The following TGS1 variants were observed in gnomAD, a reference collection of about 807,000 sequenced individuals.
The protein encoded by TGS1 is trimethylguanosine synthase.
A neutral mutation model predicts 92.2 loss-of-function variants in TGS1; 69 were observed. The ratio of observed to expected loss-of-function variants is 0.75; its 90% confidence interval spans 0.62 to 0.91. TGS1 has a LOEUF of 0.91. TGS1 is among the 40% of genes least tolerant of loss of function. The pLI is 0.00. For missense variants in TGS1, 1,062 were observed against 1,001.2 expected (o/e 1.06, Z -0.82); for synonymous variants, 345 against 338.1 (o/e 1.02, Z -0.22).
intron 5 of TGS1, among the ~76,000 whole-genome samples, chr8:55,790,951 A>T (rs1811864455): frequency 7.2e-6 from 1 of 139,414 alleles, no homozygotes; most frequent in Admixed American, 7.5e-5. Context: ...TTTAACTAAT[A>T]ATTAAATTCA....
In TGS1 at chr8:55,811,026, C is replaced by T. The variant is rs1426117006; in HGVS notation, c.2289C>T (p.Ser763=). 6 of 1,614,048 alleles carry T rather than the reference C, an allele frequency of 3.7e-6. No individual in the cohort carries two copies. The highest frequency in any genetic ancestry group is 4.5e-5 in the East Asian group (2 of 44,894). ...TAAAGGCTGATGTTGTGTTCCTCAG[C>T]CCACCTTGGGGAGGGCCAGACTATG... ...SFLKADVVFL[S]PPWGGPDYAT... is the part of the protein sequence containing the mutation. Residue 763 remains serine, a synonymous_variant, in exon 11 of 13, where the codon AGC becomes AGT. Coordinates refer to ENST00000260129, the MANE Select transcript of TGS1 (RefSeq NM_024831.8).
intron 1 of TGS1, among the ~76,000 whole-genome samples, chr8:55,780,170 T>C (rs1461215921): frequency 6.8e-6 from 1 of 146,650 alleles, no homozygotes; most frequent in African/African-American, 2.6e-5. Flanking sequence ...CTTTTTTTTT[T>C]TTTTTCTTTT....
chr8:55,807,974 C>T (rs925445449), intron 10 of TGS1, among the ~76,000 whole-genome samples: 2 of 152,126 alleles, frequency 1.3e-5, no homozygotes, highest in Admixed American at 6.6e-5. Flanking sequence ...AGTAGGAAAG[C>T]GTAATATGAT....
At chr8:55,811,167 G>T (rs1346962257) in intron 11 of TGS1, 70 bp downstream of exon 11, 2 of 837,892 alleles carry the variant, frequency 2.4e-6, no homozygotes, top group African/African-American at 1.7e-5. Flanking sequence ...GAGAGTGAGA[G>T]AGGGAGTGTG....
chr8:55,800,648 G>A (rs1288434961), intron 8 of TGS1, among the ~76,000 whole-genome samples: 1 of 152,084 alleles, frequency 6.6e-6, no homozygotes, highest in Non-Finnish European at 1.5e-5. Flanking sequence ...TGTACAGGAT[G>A]GTCTTGCACA....
At chr8:55,803,298 T>C (rs962077242) in intron 9 of TGS1, among the ~76,000 whole-genome samples, 8 of 152,226 alleles carry the variant, frequency 5.3e-5, no homozygotes, top group African/African-American at 1.9e-4. Flanking sequence ...ACTTCGCAAA[T>C]TTTGAATTCT....
chr8:55,805,363 G>T (rs1812336499), intron 10 of TGS1, among the ~76,000 whole-genome samples: 1 of 152,068 alleles, frequency 6.6e-6, no homozygotes, highest in African/African-American at 2.4e-5. Flanking sequence ...TTGTAACCTA[G>T]ATACATCGAA....
Position 55,786,514 on chromosome 8 carries a change from G to GGA in TGS1, c.618_619dup (p.Gly207GlufsTer83). On this transcript the variant is annotated frameshift_variant, in exon 4 of 13. Coordinates refer to ENST00000260129, the MANE Select transcript of TGS1 (RefSeq NM_024831.8). LOFTEE classifies it high-confidence loss of function. Reference sequence around the variant, plus strand: ...ATGGGAAAAGTATTGGAATGAATATGGAGGAGGACTATTGTGGCAAAGTTG... The same window carrying GGA: ...ATGGGAAAAGTATTGGAATGAATATGGAGAGGAGGACTATTGTGGCAAAGTTG... The GGA allele has an allele frequency of 6.2e-7, 1 of 1,614,178 alleles. No homozygotes were observed. The highest frequency in any genetic ancestry group is 1.1e-5 in the South Asian group (1 of 91,080).
chr8:55,795,052 A>G (rs1470345564), intron 6 of TGS1, among the ~76,000 whole-genome samples: 1 of 152,238 alleles, frequency 6.6e-6, no homozygotes, highest in East Asian at 1.9e-4. Context: ...TAGTTAATAT[A>G]ATCAATAGTT....
intron 2 of TGS1, among the ~76,000 whole-genome samples, chr8:55,785,120 A>G (rs1242489040): frequency 6.7e-6 from 1 of 149,252 alleles, no homozygotes; most frequent in Non-Finnish European, 1.5e-5. Context: ...GCTGGGGTGC[A>G]GTGGCACAAT....
At chr8:55,798,032 T>A (rs967984189) in intron 7 of TGS1, among the ~76,000 whole-genome samples, 5 of 152,234 alleles carry the variant, frequency 3.3e-5, no homozygotes, top group Non-Finnish European at 7.3e-5. Flanking sequence ...GTCAGTGCCA[T>A]AGGACTTTCC....
chr8:55,814,604 G>A (rs932638477), intron 12 of TGS1, among the ~76,000 whole-genome samples: 6 of 148,162 alleles, frequency 4.0e-5, no homozygotes, highest in African/African-American at 1.2e-4. Flanking sequence ...CAGGCAGATC[G>A]CTTGAGGCCA....
At position 55,813,080 on chromosome 8, in the gene TGS1, ATTG is replaced by A. The variant is rs1291070121; in HGVS notation, c.2404_2406del (p.Val802del). The A allele has an allele frequency of 1.2e-6, 2 of 1,610,992 alleles. No homozygotes were observed. Among genetic ancestry groups the A allele is most frequent in the Non-Finnish European group, 1.7e-6 (2 of 1,178,096 alleles). ...ACTTTCTAAGAAGATCACTAATAAT[ATTG>A]TTTATTTTCTTCCAAGAAATGCTGA... On this transcript the variant is annotated inframe_deletion, in exon 12 of 13. Transcript: ENST00000260129.
chr8:55,788,707 T>C (rs1811789031), intron 4 of TGS1, among the ~76,000 whole-genome samples: 1 of 152,094 alleles, frequency 6.6e-6, no homozygotes, highest in African/African-American at 2.4e-5. Flanking sequence ...CAAGTGATCC[T>C]CCCGCCTCAG....
chr8:55,800,051 T>C (rs889513584), intron 8 of TGS1, among the ~76,000 whole-genome samples: 1 of 152,252 alleles, frequency 6.6e-6, no homozygotes, highest in Non-Finnish European at 1.5e-5. Flanking sequence ...AAAGTTCTTA[T>C]ATAGTTTAAT....
In TGS1 at chr8:55,814,674, A is replaced by ATATAT. The variant is rs1554564802; in HGVS notation, c.2439+1556_2439+1557insTATAT. 9.7e-3 allele frequency among the ~76,000 whole-genome samples: 1,195 copies of ATATAT among 123,192 alleles called. 9 individuals are homozygous for ATATAT. Among genetic ancestry groups the ATATAT allele is most frequent in the African/African-American group, 0.019 (525 of 27,992 alleles). The allele number at this position is 123,192 out of a possible 152,430, so 80.8% of individuals were successfully genotyped here. A position where few individuals can be genotyped will look rare whatever the true frequency, so the allele number is the denominator to read the frequency against. On this transcript the variant is annotated intron_variant, in intron 12 of 12. Transcript: ENST00000260129. Reference sequence around the variant, plus strand: ...CGTCTCTACTTAAAAAAAAAAAAAAAATATATATATATATATATATATATG... The same window carrying ATATAT: ...CGTCTCTACTTAAAAAAAAAAAAAAATATATATATATATATATATATATATATATG...
At chr8:55,796,264 C>A in intron 7 of TGS1, 112 bp downstream of exon 7, 21 of 773,428 alleles carry the variant, frequency 2.7e-5, no homozygotes, top group Non-Finnish European at 3.8e-5. Context: ...TATCAAGGTA[C>A]ATAATTTTTT....
At chr8:55,784,036 C>T (rs16922237) in intron 2 of TGS1, among the ~76,000 whole-genome samples, 33,805 of 152,024 alleles carry the variant, frequency 0.22, 4,455 homozygotes, top group African/African-American at 0.38. Context: ...CCTCTTGTAG[C>T]AGAATTTGCA....
chr8:55,778,115 T>TA (rs1811452158), intron 1 of TGS1, among the ~76,000 whole-genome samples: 1 of 151,902 alleles, frequency 6.6e-6, no homozygotes, highest in African/African-American at 2.4e-5. Context: ...CTACTAAAAA[T>TA]ACAAAAAATT....
Sources: gnomAD v4.1 joint callset for allele counts (sites outside exome capture counted in the v4.1 genomes callset) on GRCh38, gnomAD v4.1.1 for gene constraint, MANE v1.5 for transcripts, NCBI Gene and HGNC (gene_info 2026-07-23, HGNC 2026-07-21) for gene names.